The following KHDRBS2 variants were observed in gnomAD, a reference collection of about 807,000 sequenced individuals.
The protein encoded by KHDRBS2 is KH domain-containing, RNA-binding, signal transduction-associated protein 2.
In KHDRBS2, 26 loss-of-function variants were observed where a neutral mutation model predicts 44.3. That is an observed-to-expected ratio of 0.59 (90% CI 0.43 to 0.81). KHDRBS2 has a LOEUF of 0.81. Ranked by LOEUF, KHDRBS2 falls within the 40% of genes least tolerant of loss-of-function variation. KHDRBS2 has a pLI of 0.00. For synonymous variants in KHDRBS2, 194 were observed against 151.1 expected (o/e 1.28, Z -2.08); for missense variants, 476 against 433.1 (o/e 1.10, Z -0.88).
intron 3 of KHDRBS2, among the ~76,000 whole-genome samples, chr6:62,014,863 A>G (rs1780923080): frequency 6.6e-6 from 1 of 152,180 alleles, no homozygotes. Context: ...AAATAATTAC[A>G]TGATATAAGA....
chr6:61,886,876 C>T (rs573074639), intron 6 of KHDRBS2, among the ~76,000 whole-genome samples: 4 of 152,180 alleles, frequency 2.6e-5, no homozygotes, highest in African/African-American at 9.6e-5. Context: ...ATATTTCCAG[C>T]ACTTAGTTTC....
intron 6 of KHDRBS2, among the ~76,000 whole-genome samples, chr6:61,885,519 T>C (rs1190328485): frequency 6.6e-6 from 1 of 152,194 alleles, no homozygotes; most frequent in Non-Finnish European, 1.5e-5. Context: ...TATCTGTGAA[T>C]ACTTGTGTCA....
At chr6:61,961,791 G>C (rs948496615) in intron 4 of KHDRBS2, among the ~76,000 whole-genome samples, 10 of 152,086 alleles carry the variant, frequency 6.6e-5, no homozygotes, top group African/African-American at 1.9e-4. Flanking sequence ...AAATCATACA[G>C]GGCCTTGAAG....
intron 2 of KHDRBS2, among the ~76,000 whole-genome samples, chr6:62,103,569 C>T (rs1301949419): frequency 8.4e-6 from 1 of 119,058 alleles, no homozygotes; most frequent in African/African-American, 3.2e-5. Context: ...CCTCTGAGAG[C>T]ACCAGGATGT....
intron 7 of KHDRBS2, among the ~76,000 whole-genome samples, chr6:61,703,763 C>G (rs948915692): frequency 6.6e-6 from 1 of 151,882 alleles, no homozygotes; most frequent in Non-Finnish European, 1.5e-5. Context: ...CCAGAACCCC[C>G]TCTTAATGTC....
At chr6:62,006,658 C>A (rs748251391) in intron 3 of KHDRBS2, among the ~76,000 whole-genome samples, 5 of 151,946 alleles carry the variant, frequency 3.3e-5, no homozygotes, top group Non-Finnish European at 7.4e-5. Flanking sequence ...TACTGATCCG[C>A]TTTATCCTAT....
At chr6:62,018,973 G>T (rs952490682) in intron 3 of KHDRBS2, among the ~76,000 whole-genome samples, 8 of 151,868 alleles carry the variant, frequency 5.3e-5, no homozygotes, top group East Asian at 1.9e-4. Flanking sequence ...AAATTGAAAA[G>T]AATTTTATCT....
At chr6:61,619,257 C>T in the KHDRBS2 span, among the ~76,000 whole-genome samples, 1 of 146,592 alleles carries the variant, frequency 6.8e-6, no homozygotes, top group Non-Finnish European at 1.5e-5. Flanking sequence ...CTAGCTCCCT[C>T]CCCACCCTCC....
the KHDRBS2 span, among the ~76,000 whole-genome samples, chr6:61,607,671 C>T: frequency 6.6e-6 from 1 of 151,762 alleles, no homozygotes; most frequent in African/African-American, 2.4e-5. Flanking sequence ...TATGAATAGC[C>T]CAAAAATCAT....
intron 2 of KHDRBS2, among the ~76,000 whole-genome samples, chr6:62,155,534 G>C (rs1451819483): frequency 6.6e-6 from 1 of 152,180 alleles, no homozygotes; most frequent in Non-Finnish European, 1.5e-5. Context: ...AAGGGACCTA[G>C]GTCAAGATCT....
At chr6:61,946,509 C>G in intron 4 of KHDRBS2, among the ~76,000 whole-genome samples, 1 of 152,060 alleles carries the variant, frequency 6.6e-6, no homozygotes, top group East Asian at 1.9e-4. Context: ...TTCAAACCTA[C>G]TTTTTAAGTT....
chr6:62,025,486 A>T (rs1201920898), intron 3 of KHDRBS2, among the ~76,000 whole-genome samples: 1 of 151,996 alleles, frequency 6.6e-6, no homozygotes, highest in Admixed American at 6.6e-5. Context: ...TGTACATTTT[A>T]AAAAAGTGTA....
At chr6:62,093,447 G>C (rs1333931261) in intron 2 of KHDRBS2, among the ~76,000 whole-genome samples, 3 of 151,804 alleles carry the variant, frequency 2.0e-5, no homozygotes, top group Non-Finnish European at 4.4e-5. Flanking sequence ...AGGGTAATTA[G>C]CATGTCCATC....
intron 4 of KHDRBS2, among the ~76,000 whole-genome samples, chr6:61,925,998 C>T (rs768324767): frequency 1.3e-5 from 2 of 151,778 alleles, no homozygotes; most frequent in South Asian, 2.1e-4. Context: ...ATGAGGAAGC[C>T]GACATTGAGA....
At position 61,803,486 on chromosome 6, in the gene KHDRBS2, C is replaced by T. The variant is rs75100794; in HGVS notation, c.811-70722G>A. ...TAATACCAGCCAACACTAAATTGTACGTACTATATGCCAGGAATTGTTCAT... is the reference window on the plus strand; with the variant it reads ...TAATACCAGCCAACACTAAATTGTATGTACTATATGCCAGGAATTGTTCAT... On this transcript the variant is annotated intron_variant, in intron 6 of 8. Coordinates refer to ENST00000281156, the MANE Select transcript of KHDRBS2 (RefSeq NM_152688.4). Among the ~76,000 whole-genome samples the T allele has an allele frequency of 9.5e-3, 1,452 of 152,218 alleles. 19 individuals carry two copies. Among genetic ancestry groups the T allele is most frequent in the African/African-American group, 0.033 (1,367 of 41,518 alleles).
the KHDRBS2 span, among the ~76,000 whole-genome samples, chr6:61,656,467 GTCT>G: frequency 6.6e-6 from 1 of 151,982 alleles, no homozygotes; most frequent in African/African-American, 2.4e-5. Flanking sequence ...CTTAAGCAGT[GTCT>G]TCTTTAAATA....
the KHDRBS2 span, among the ~76,000 whole-genome samples, chr6:61,647,388 G>A: frequency 0.63 from 95,485 of 151,232 alleles, 30,419 homozygotes; most frequent in Middle Eastern, 0.69. Flanking sequence ...ACAAGTCAAA[G>A]AAACATGGTG....
chr6:62,078,809 G>A (rs1458332650), intron 2 of KHDRBS2, among the ~76,000 whole-genome samples: 2 of 151,902 alleles, frequency 1.3e-5, no homozygotes, highest in East Asian at 3.9e-4. Context: ...GTGCTTTGAT[G>A]CAAAATGGCA....
intron 2 of KHDRBS2, among the ~76,000 whole-genome samples, chr6:62,070,766 T>A (rs543126690): frequency 2.6e-5 from 4 of 152,212 alleles, no homozygotes; most frequent in Admixed American, 1.3e-4. Flanking sequence ...TGGTTCCAAG[T>A]CTTTGCTATT....
Sources: allele counts gnomAD v4.1 joint callset (sites outside exome capture counted in the v4.1 genomes callset), GRCh38; gene constraint gnomAD v4.1.1; transcripts MANE v1.5; gene names NCBI Gene and HGNC (gene_info 2026-07-23, HGNC 2026-07-21).